Variants in CLCN3 observed in about 807,000 individuals in gnomAD.
The protein encoded by CLCN3 is H(+)/Cl(-) exchange transporter 3.
CLCN3 carries 16 observed loss-of-function variants against 83.4 expected under a neutral mutation model. That is an observed-to-expected ratio of 0.19 (90% confidence interval 0.13 to 0.29). The LOEUF (loss-of-function observed/expected upper bound fraction) is 0.29, where lower values mean the gene tolerates loss of function less well. CLCN3 is among the 10% of genes least tolerant of loss of function. The probability of loss-of-function intolerance (pLI) is 1.00; values close to 1 mark genes in which losing one functional copy is unlikely to be tolerated. For missense variants in CLCN3, 544 were observed against 1,006.0 expected, an observed-to-expected ratio of 0.54 and a Z score of 6.21; for synonymous variants, 322 against 346.2, an observed-to-expected ratio of 0.93 and a Z score of 0.78.
intron 6 of CLCN3, among the ~76,000 whole-genome samples, chr4:169,691,177 T>G (rs994448496): frequency 6.6e-6 from 1 of 151,970 alleles, no homozygotes; most frequent in Non-Finnish European, 1.5e-5. Context: ...TTTTGCATTT[T>G]TTTGTTTGTT....
Position 169,719,960 on chromosome 4 carries a change from C to A in CLCN3, c.2420C>A (p.Thr807Lys). ...KKDILRHMAQTANQDPASIMF... is the reference protein window; with the variant it reads ...KKDILRHMAQKANQDPASIMF... ...GATATCCTCCGGCATATGGCCCAGA[C>A]GGCAAACCAAGACCCCGCTTCAATA... Residue 807 changes from threonine (T) to lysine (K), a missense_variant, in exon 13 of 13, where the codon ACG (threonine) becomes AAG (lysine). Thr to Lys is a moderately conservative substitution (Grantham distance 78). Around this residue, in one of 6 missense-constraint regions of CLCN3, gnomAD observed 142 missense variants for 225.0 expected, o/e 0.63. Coordinates refer to ENST00000513761, the MANE Select transcript of CLCN3 (RefSeq NM_001829.4). 1 of 1,613,934 alleles carries A rather than the reference C, an allele frequency of 6.2e-7. No homozygotes were observed. The highest frequency in any genetic ancestry group is 1.1e-5 in the South Asian group (1 of 91,076).
intron 1 of CLCN3, among the ~76,000 whole-genome samples, chr4:169,628,109 C>A (rs1405820977): frequency 6.6e-6 from 1 of 151,972 alleles, no homozygotes. Flanking sequence ...CCATTCCCAA[C>A]CCCCCAATAA....
chr4:169,715,526 A>C (rs1733391061), intron 12 of CLCN3, among the ~76,000 whole-genome samples: 1 of 152,118 alleles, frequency 6.6e-6, no homozygotes, highest in South Asian at 2.1e-4. Flanking sequence ...TTTAAAACCC[A>C]GAAAAGAAAT....
At chr4:169,679,438 C>T (rs1324695014) in intron 2 of CLCN3, among the ~76,000 whole-genome samples, 1 of 152,016 alleles carries the variant, frequency 6.6e-6, no homozygotes, top group Non-Finnish European at 1.5e-5. Context: ...CTTCTCACAT[C>T]CCAGACGATG....
At position 169,687,810 on chromosome 4, in the gene CLCN3, T is replaced by A. The variant is rs1456246791; in HGVS notation, c.418+53T>A. The A allele has an allele frequency of 5.2e-6, 5 of 956,336 alleles. No homozygotes were observed. In the African/African-American group the frequency reaches 8.5e-5, roughly 16 times the overall value. The allele number at this position is 956,336 out of a possible 1,614,324, so 59.2% of individuals were successfully genotyped here. On this transcript the variant is annotated intron_variant, in intron 4 of 12. Coordinates refer to ENST00000513761, the MANE Select transcript of CLCN3 (RefSeq NM_001829.4). The stretch of plus-strand genomic sequence containing the variant: ...TTTTAGTTAACAGAAGTATAAACTG[T>A]TCTTCCCTCCTTCCCTCAATTTTTT...
At position 169,723,056 on chromosome 4, in the gene CLCN3, T is replaced by A. The variant is rs540221487; in HGVS notation, c.*3059T>A. 1.3e-5 allele frequency: 2 copies of A among 152,350 alleles called. No individual in the cohort carries two copies. The highest frequency in any genetic ancestry group is 3.9e-4 in the East Asian group (2 of 5,192). 9.4% of individuals were successfully genotyped at this position (152,350 alleles called of 1,614,324 possible). On this transcript the variant is annotated 3_prime_UTR_variant, in exon 13 of 13. Transcript: ENST00000513761. Reference sequence around the variant, plus strand: ...TGGTTCACGAAGAATGCTTAGTTAATCTGTAATGTTGCCTAGAGCTGTATT... The same window carrying A: ...TGGTTCACGAAGAATGCTTAGTTAAACTGTAATGTTGCCTAGAGCTGTATT...
At chr4:169,685,451 TA>T (rs1732118096) in intron 3 of CLCN3, among the ~76,000 whole-genome samples, 2 of 152,200 alleles carry the variant, frequency 1.3e-5, no homozygotes, top group Non-Finnish European at 2.9e-5. Context: ...TTTAAAAATA[TA>T]AGCATAAATA....
intron 9 of CLCN3, chr4:169,702,777 CAAAAAA>C: frequency 3.8e-5 from 9 of 239,992 alleles, no homozygotes; most frequent in South Asian, 2.1e-4. Context: ...CCCATCTCTA[CAAAAAA>C]AAAAAAAAAA....
chr4:169,652,995 A>C (rs947958687), intron 2 of CLCN3, among the ~76,000 whole-genome samples: 8 of 152,182 alleles, frequency 5.3e-5, no homozygotes, highest in Non-Finnish European at 5.9e-5. Flanking sequence ...TTTTTGTTGG[A>C]TAAATGTGTT....
rs565264683 is a variant in CLCN3, at chr4:169,637,203, A to G, written c.160+1115A>G. 3.9e-5 allele frequency among the ~76,000 whole-genome samples: 6 copies of G among 152,192 alleles called. No homozygotes were observed. The South Asian group carries it at 1.0e-3, about 26-fold the overall frequency. The stretch of plus-strand genomic sequence containing the variant: ...CCTATTCAGTCCTTTTCCCTGTTTT[A>G]TAGGAGTTCATTATGCATTCTGATT... On this transcript the variant is annotated intron_variant, in intron 2 of 12. Coordinates refer to ENST00000513761, the MANE Select transcript of CLCN3 (RefSeq NM_001829.4).
chr4:169,636,194 GATC>G, intron 2 of CLCN3, 106 bp downstream of exon 2: 1 of 1,003,980 alleles, frequency 1.0e-6, no homozygotes, highest in Non-Finnish European at 1.4e-6. Context: ...AAAAATTTGA[GATC>G]AAATTTACAT....
chr4:169,661,865 G>A (rs1205506648), intron 2 of CLCN3, among the ~76,000 whole-genome samples: 2 of 151,904 alleles, frequency 1.3e-5, no homozygotes, highest in East Asian at 3.9e-4. Flanking sequence ...TTCTGGTAAG[G>A]AGTTCTTTAA....
At chr4:169,707,638 G>A (rs1733044522) in intron 11 of CLCN3, among the ~76,000 whole-genome samples, 1 of 152,090 alleles carries the variant, frequency 6.6e-6, no homozygotes, top group Non-Finnish European at 1.5e-5. Context: ...TTGGCTTATT[G>A]GAATACAAGT....
chr4:169,625,727 C>G (rs1262566380), intron 1 of CLCN3, among the ~76,000 whole-genome samples: 1 of 152,194 alleles, frequency 6.6e-6, no homozygotes, highest in Admixed American at 6.5e-5. Context: ...TTACCATTCC[C>G]TATATCTTAT....
intron 2 of CLCN3, among the ~76,000 whole-genome samples, chr4:169,668,467 A>C (rs540691619): frequency 6.6e-6 from 1 of 152,350 alleles, no homozygotes; most frequent in African/African-American, 2.4e-5. Flanking sequence ...AGTGGGTAAC[A>C]AAACCAAGGT....
intron 7 of CLCN3, 38 bp from the exon 8 acceptor site, chr4:169,695,574 T>C (rs769249741): frequency 1.4e-6 from 2 of 1,426,668 alleles, no homozygotes; most frequent in South Asian, 2.4e-5. Context: ...TGTTTGAATT[T>C]CTATGAAATT....
chr4:169,706,308 G>A (rs1205876888), intron 10 of CLCN3, among the ~76,000 whole-genome samples: 1 of 152,090 alleles, frequency 6.6e-6, no homozygotes, highest in Non-Finnish European at 1.5e-5. Context: ...GTGATTACAG[G>A]CATGAGCCAC....
chr4:169,643,526 G>C (rs1730483348), intron 2 of CLCN3, among the ~76,000 whole-genome samples: 1 of 151,956 alleles, frequency 6.6e-6, no homozygotes, highest in Non-Finnish European at 1.5e-5. Context: ...CACTGCGCCT[G>C]GCCTCAAAAT....
chr4:169,646,914 CAAAAG>C (rs558260352), intron 2 of CLCN3, among the ~76,000 whole-genome samples: 103 of 152,212 alleles, frequency 6.8e-4, no homozygotes, highest in African/African-American at 2.4e-3. Context: ...GTTTTGGAAA[CAAAAG>C]AATACGGTAG....
Sources: allele counts gnomAD v4.1 joint callset (sites outside exome capture counted in the v4.1 genomes callset), GRCh38; gene constraint gnomAD v4.1.1; regional missense constraint gnomAD v4.1.1; transcripts MANE v1.5; gene names NCBI Gene and HGNC (gene_info 2026-07-23, HGNC 2026-07-21).